The following ZFAT variants were observed in gnomAD, a reference collection of about 807,000 sequenced individuals.
ZFAT encodes the protein zinc finger protein ZFAT.
Under a neutral mutation model 117.7 loss-of-function variants are expected in ZFAT, and 64 were observed. The ratio of observed to expected loss-of-function variants is 0.54; its 90% confidence interval spans 0.44 to 0.67. The LOEUF is 0.67. Ranked by LOEUF, ZFAT falls within the 30% of genes least tolerant of loss-of-function variation. ZFAT has a pLI of 0.00. For missense variants in ZFAT, 1,433 were observed against 1,584.5 expected, an observed-to-expected ratio of 0.90 and a Z score of 1.62; for synonymous variants, 679 against 615.0, an observed-to-expected ratio of 1.10 and a Z score of -1.54.
At chr8:134,683,579 C>T (rs192410925) in intron 1 of ZFAT, among the ~76,000 whole-genome samples, 20 of 152,256 alleles carry the variant, frequency 1.3e-4, no homozygotes, top group Non-Finnish European at 2.4e-4. Context: ...AGCCACACAG[C>T]CAGTGGGGGC....
chr8:134,677,944 A>G (rs1270997694), intron 1 of ZFAT, among the ~76,000 whole-genome samples: 1 of 152,236 alleles, frequency 6.6e-6, no homozygotes, highest in Non-Finnish European at 1.5e-5. Context: ...GATGGAACGT[A>G]TCTCAAAATA....
Position 134,649,165 on chromosome 8 carries a change from T to TCTCACA in ZFAT, c.196+8395_196+8396insTGTGAG, listed in dbSNP as rs1554614264. Among the ~76,000 whole-genome samples the TCTCACA allele has an allele frequency of 4.2e-3, 324 of 77,046 alleles. 2 individuals carry two copies. The East Asian group carries it at 0.067, about 16-fold the overall frequency. The allele number at this position is 77,046 out of a possible 152,430, so 50.5% of individuals were successfully genotyped here. The stretch of plus-strand genomic sequence containing the variant: ...TAACCTAATGAAGAACATCTATCTC[T>TCTCACA]CACACACACACACACACACACACAC... On this transcript the variant is annotated intron_variant, in intron 2 of 15. Coordinates refer to ENST00000377838, the MANE Select transcript of ZFAT (RefSeq NM_020863.4).
rs371660345 is a variant in ZFAT at position 134,661,615 on chromosome 8, T to C, written c.20-3878A>G. 2.4e-4 allele frequency among the ~76,000 whole-genome samples: 36 copies of C among 152,190 alleles called. No homozygotes were observed. In the South Asian group the frequency reaches 7.3e-3, roughly 31 times the overall value. On this transcript the variant is annotated intron_variant, in intron 1 of 15. Transcript: ENST00000377838. ...GAGGGAGGGAGAAGGAAGGAGTACA[T>C]TGGCCCAAGACGGGTGGGACTGACA... is the stretch of plus-strand genomic sequence containing the variant.
rs1175149920 is a variant in ZFAT, at chr8:134,602,113, A to T, written c.1606T>A (p.Cys536Ser). ...TCCTCCAGCTGAGTGTCCCCAGGAC[A>T]GGCCTCTTCCTTGAGTGCATTCACG... is the stretch of plus-strand genomic sequence containing the variant. ...QGVNALKEEA[C>S]PGDTQLEEGR... The change falls in exon 6 of 16, where the codon TGT (cysteine) becomes AGT (serine). Residue 536 changes from cysteine (C) to serine (S), a missense_variant. By Grantham distance (112) the Cys-to-Ser change is moderately radical (BLOSUM62 -1). Around this residue, in one of 5 missense-constraint regions of ZFAT, gnomAD observed 372 missense variants for 355.6 expected, o/e 1.05. Coordinates refer to ENST00000377838, the MANE Select transcript of ZFAT (RefSeq NM_020863.4). 1 of 1,612,618 alleles carries T rather than the reference A, an allele frequency of 6.2e-7. No homozygotes were observed. The highest frequency in any genetic ancestry group is 1.1e-5 in the South Asian group (1 of 90,876).
chr8:134,822,151 T>C, the ZFAT span, among the ~76,000 whole-genome samples: 48,060 of 151,972 alleles, frequency 0.32, 8,517 homozygotes, highest in African/African-American at 0.47. Flanking sequence ...GTTCCTACGA[T>C]GGCTGTTGAG....
In ZFAT at chr8:134,643,874, T is replaced by A. The variant is rs1830726467; in HGVS notation, c.197-6162A>T. 2.0e-5 allele frequency among the ~76,000 whole-genome samples: 3 copies of A among 152,252 alleles called. No individual in the cohort carries two copies. The South Asian group carries it at 6.2e-4, about 32-fold the overall frequency. ...GAAAGCTCCAGGAATGGAGCCTAAG[T>A]CTGATTCCAAGACGTGTGCCCTTTC... is the stretch of plus-strand genomic sequence containing the variant. On this transcript the variant is annotated intron_variant, in intron 2 of 15. Transcript: ENST00000377838.
At chr8:134,778,665 T>A in the ZFAT span, among the ~76,000 whole-genome samples, 9 of 152,102 alleles carry the variant, frequency 5.9e-5, no homozygotes, top group Non-Finnish European at 1.3e-4. Flanking sequence ...AAGTCTATGA[T>A]AGAGGAATGA....
At chr8:134,493,401 A>C (rs1818196063) in intron 15 of ZFAT, among the ~76,000 whole-genome samples, 2 of 152,226 alleles carry the variant, frequency 1.3e-5, no homozygotes, top group Non-Finnish European at 1.5e-5. Flanking sequence ...TCCTGGCCTC[A>C]GTGCTGTAAG....
intron 1 of ZFAT, among the ~76,000 whole-genome samples, chr8:134,707,590 C>T (rs971158008): frequency 6.6e-6 from 1 of 152,140 alleles, no homozygotes; most frequent in Non-Finnish European, 1.5e-5. Context: ...ATTAAAATGC[C>T]CTCCAGCAAT....
the ZFAT span, among the ~76,000 whole-genome samples, chr8:134,744,298 T>G: frequency 2.4e-4 from 34 of 144,516 alleles, no homozygotes; most frequent in South Asian, 6.8e-3. Context: ...GCTAAGAGTT[T>G]TTTTTTTTTT....
chr8:134,731,004 G>A, the ZFAT span, among the ~76,000 whole-genome samples: 2 of 152,150 alleles, frequency 1.3e-5, no homozygotes, highest in African/African-American at 4.8e-5. Context: ...TATTGCCGGA[G>A]GTGTCCAAGC....
At chr8:134,546,486 A>G (rs1039867869) in intron 11 of ZFAT, among the ~76,000 whole-genome samples, 3 of 152,174 alleles carry the variant, frequency 2.0e-5, no homozygotes, top group African/African-American at 7.2e-5. Flanking sequence ...GGAGGGCGGG[A>G]TCCCAAGTTC....
chr8:134,782,744 G>A, the ZFAT span, among the ~76,000 whole-genome samples: 13 of 151,980 alleles, frequency 8.6e-5, no homozygotes, highest in South Asian at 2.5e-3. Context: ...TGATTATGAG[G>A]CCTCCCCAGC....
At chr8:134,829,931 G>T in the ZFAT span, among the ~76,000 whole-genome samples, 4 of 152,156 alleles carry the variant, frequency 2.6e-5, no homozygotes, top group African/African-American at 9.7e-5. Context: ...TTCAAAAAAA[G>T]TCAAAGAATT....
At chr8:134,696,229 G>GC (rs1176621889) in intron 1 of ZFAT, among the ~76,000 whole-genome samples, 1 of 152,100 alleles carries the variant, frequency 6.6e-6, no homozygotes, top group African/African-American at 2.4e-5. Context: ...CCATCTCTAA[G>GC]CAAGGAGGCT....
intron 1 of ZFAT, among the ~76,000 whole-genome samples, chr8:134,710,877 A>G (rs1395151943): frequency 1.3e-5 from 2 of 152,190 alleles, no homozygotes; most frequent in African/African-American, 4.8e-5. Flanking sequence ...TTTCTATGCT[A>G]CCAATAAGAC....
intron 11 of ZFAT, among the ~76,000 whole-genome samples, chr8:134,556,839 T>A (rs1375518039): frequency 6.6e-6 from 1 of 152,106 alleles, no homozygotes; most frequent in Non-Finnish European, 1.5e-5. Context: ...AGCCCAGATC[T>A]GCGGGGAGAA....
At chr8:134,722,675 C>G in the ZFAT span, among the ~76,000 whole-genome samples, 1 of 152,140 alleles carries the variant, frequency 6.6e-6, no homozygotes, top group East Asian at 1.9e-4. Flanking sequence ...AAGGTCACAC[C>G]ACAGGATAAG....
At chr8:134,618,408 G>A (rs1828889889) in intron 3 of ZFAT, among the ~76,000 whole-genome samples, 1 of 152,130 alleles carries the variant, frequency 6.6e-6, no homozygotes. Flanking sequence ...ATGAGGCGGG[G>A]AGTCACACCC....
Sources: gnomAD v4.1 joint callset for allele counts (sites outside exome capture counted in the v4.1 genomes callset) on GRCh38, gnomAD v4.1.1 for gene constraint, gnomAD v4.1.1 regional missense constraint, MANE v1.5 for transcripts, NCBI Gene and HGNC (gene_info 2026-07-23, HGNC 2026-07-21) for gene names.